The following ZNF417 variants were observed in gnomAD, a reference collection of about 807,000 sequenced individuals.
ZNF417 encodes zinc finger protein 417.
ZNF417 carries 5 observed loss-of-function variants against 7.4 expected under a neutral mutation model. The observed-to-expected ratio is 0.68, with a 90% CI of 0.35 to 1.43. ZNF417 has a LOEUF of 1.43. Among genes scored for constraint, ZNF417 ranks in the 40% most tolerant of loss-of-function variants. The pLI is 0.04. For synonymous variants in ZNF417, 147 were observed against 239.1 expected (o/e 0.61, Z 3.55); for missense variants, 437 against 697.3 (o/e 0.63, Z 4.20).
rs116338997 is a variant in ZNF417, at chr19:57,908,853, A to G, written c.1425T>C (p.Asn475=). ...ACEVCGKLFG[N]KNCVTIHQRI... Reference sequence around the variant, plus strand: ...TCTGATGTATAGTCACGCAGTTCTTATTACCAAATAATTTCCCACATACCT... The same window carrying G: ...TCTGATGTATAGTCACGCAGTTCTTGTTACCAAATAATTTCCCACATACCT... Residue 475 remains asparagine, a synonymous_variant, in exon 3 of 3, where the codon AAT becomes AAC. Coordinates refer to ENST00000312026, the MANE Select transcript of ZNF417 (RefSeq NM_152475.3). 2.5e-3 allele frequency: 4,087 copies of G among 1,613,584 alleles called. 94 individuals carry two copies. In the African/African-American group the frequency reaches 0.047, roughly 18 times the overall value.
chr19:57,908,186 G>T lies in ZNF417; in HGVS notation c.*364C>A. 3.2e-6 allele frequency: 1 copy of T among 308,202 alleles called. No individual in the cohort carries two copies. Among genetic ancestry groups the T allele is most frequent in the East Asian group, 7.4e-5 (1 of 13,574 alleles). The allele number at this position is 308,202 out of a possible 1,614,324, so 19.1% of individuals were successfully genotyped here. The stretch of plus-strand genomic sequence containing the variant: ...AGCAATCTATACGTATTGTCACTTG[G>T]GGACACTTATGATTCCACATGAAGT... On this transcript the variant is annotated 3_prime_UTR_variant, in exon 3 of 3. Coordinates refer to ENST00000312026, the MANE Select transcript of ZNF417 (RefSeq NM_152475.3).
At chr19:57,914,614 G>A (rs2071930141) in intron 1 of ZNF417, among the ~76,000 whole-genome samples, 1 of 151,786 alleles carries the variant, frequency 6.6e-6, no homozygotes, top group South Asian at 2.1e-4. Flanking sequence ...CTGGATTATG[G>A]CAGGAGCCTT....
chr19:57,910,935 C>T lies in ZNF417; in HGVS notation c.164-821G>A, dbSNP rs573724053. Among the ~76,000 whole-genome samples the T allele has an allele frequency of 6.6e-5, 10 of 152,262 alleles. No individual in the cohort carries two copies. The South Asian group carries it at 2.1e-3, about 32-fold the overall frequency. ...TGGTGCAGGCCTGTAATCCCAGCTA[C>T]TTGGGCGGCTGAGGCAGGAAAATCA... On this transcript the variant is annotated intron_variant, in intron 2 of 2. Transcript: ENST00000312026.
In ZNF417 at chr19:57,905,801, T is replaced by A. The variant is rs964167075; in HGVS notation, c.*2749A>T. ...ATTTCAAACAGGAAAGATGTATGAA[T>A]CTTTTGTACAAAAAAATTTCAACAT... On this transcript the variant is annotated 3_prime_UTR_variant, in exon 3 of 3. Coordinates refer to ENST00000312026, the MANE Select transcript of ZNF417 (RefSeq NM_152475.3). 1.3e-5 allele frequency among the ~76,000 whole-genome samples: 2 copies of A among 152,168 alleles called. No homozygotes were observed. Among genetic ancestry groups the A allele is most frequent in the Non-Finnish European group, 2.9e-5 (2 of 68,024 alleles).
In ZNF417 at chr19:57,906,938, A is replaced by G. The variant is rs1471872241; in HGVS notation, c.*1612T>C. 2 of 128,434 alleles carry G rather than the reference A, an allele frequency of 1.6e-5. No homozygotes were observed. The highest frequency in any genetic ancestry group is 3.1e-5 in the African/African-American group (1 of 32,712). 8.0% of individuals were successfully genotyped at this position (128,434 alleles called of 1,614,324 possible). ...GTGCAATCTCGGCTCACTGCAACCT[A>G]TGCCTCCCAGGTTTAACGAATTCTC... On this transcript the variant is annotated 3_prime_UTR_variant, in exon 3 of 3. Coordinates refer to ENST00000312026, the MANE Select transcript of ZNF417 (RefSeq NM_152475.3).
At position 57,915,416 on chromosome 19, in the gene ZNF417, C is replaced by A. The variant is rs1600150653; in HGVS notation, c.33+963G>T. ...CACTTTGTTCCAGACAGGTTCCATCCTCCCGGCTCCGTCCATCTCCAGGCC... is the reference window on the plus strand; with the variant it reads ...CACTTTGTTCCAGACAGGTTCCATCATCCCGGCTCCGTCCATCTCCAGGCC... On this transcript the variant is annotated intron_variant, in intron 1 of 2. Transcript: ENST00000312026. 4 of 389,190 alleles carry A rather than the reference C, an allele frequency of 1.0e-5. No individual in the cohort carries two copies. In the East Asian group the frequency reaches 2.1e-4, roughly 20 times the overall value. 24.1% of individuals were successfully genotyped at this position (389,190 alleles called of 1,614,324 possible). A position where few individuals can be genotyped will look rare whatever the true frequency, so the allele number is the denominator to read the frequency against.
At chr19:57,910,348 C>A (rs1213997277) in intron 2 of ZNF417, among the ~76,000 whole-genome samples, 1 of 151,654 alleles carries the variant, frequency 6.6e-6, no homozygotes, top group Admixed American at 6.6e-5. Flanking sequence ...AAGTTCGAGA[C>A]CAGCGTGACC....
Position 57,907,882 on chromosome 19 carries a change from C to T in ZNF417, c.*668G>A, listed in dbSNP as rs2071849750. 1 of 152,794 alleles carries T rather than the reference C, an allele frequency of 6.5e-6. No individual in the cohort carries two copies. Among genetic ancestry groups the T allele is most frequent in the Non-Finnish European group, 1.5e-5 (1 of 68,528 alleles). The allele number at this position is 152,794 out of a possible 1,614,324, so 9.5% of individuals were successfully genotyped here. A position where few individuals can be genotyped will look rare whatever the true frequency, so the allele number is the denominator to read the frequency against. On this transcript the variant is annotated 3_prime_UTR_variant, in exon 3 of 3. Coordinates refer to ENST00000312026, the MANE Select transcript of ZNF417 (RefSeq NM_152475.3). ...GTTAATGTGGATGAATGACGTTACC[C>T]ATGGAGAATGAAGTAAGTAGCTAGA...
chr19:57,909,005 C>T lies in ZNF417; in HGVS notation c.1273G>A (p.Glu425Lys). 6.2e-7 allele frequency: 1 copy of T among 1,613,922 alleles called. No homozygotes were observed. Among genetic ancestry groups the T allele is most frequent in the Non-Finnish European group, 8.5e-7 (1 of 1,179,936 alleles). Residue 425 changes from glutamate (E) to lysine (K), a missense_variant, in exon 3 of 3, where the codon GAA becomes AAA. By Grantham distance (56) the Glu-to-Lys change is moderately conservative. This residue lies in a region of ZNF417 where 233 missense variants were observed against 235.5 expected (regional missense o/e 0.99). Transcript: ENST00000312026. The stretch of plus-strand genomic sequence containing the variant: ...TCCCCAGTGTGAAGTCTCTGGTGTT[C>T]AGTGAGGTGGGATCTGTACCTAAAT... ...KSFRYRSHLT[E>K]HQRLHTGERP...
rs534692153 is a variant in ZNF417, at chr19:57,906,021, A to C, written c.*2529T>G. ...TGCTCTTTTGCCCAGGCTAGAGTGC[A>C]GTGGTACCATCTCAGCTGATTGCAA... On this transcript the variant is annotated 3_prime_UTR_variant, in exon 3 of 3. Coordinates refer to ENST00000312026, the MANE Select transcript of ZNF417 (RefSeq NM_152475.3). Among the ~76,000 whole-genome samples the C allele has an allele frequency of 2.0e-4, 30 of 152,276 alleles. No individual in the cohort carries two copies. In the East Asian group the frequency reaches 5.8e-3, roughly 29 times the overall value.
intron 1 of ZNF417, among the ~76,000 whole-genome samples, chr19:57,916,111 T>C (rs2071945086): frequency 6.6e-6 from 1 of 152,402 alleles, no homozygotes; most frequent in Non-Finnish European, 1.5e-5. Flanking sequence ...CAGAACAGCC[T>C]GACGGCTCTG....
rs1406748871 is a variant in ZNF417, at chr19:57,908,835, T to C, written c.1443A>G (p.Ile481Met). ...KLFGNKNCVT[I>M]HQRIHTGERP... ...TTTCTCCAGTGTGAATCCTCTGATG[T>C]ATAGTCACGCAGTTCTTATTACCAA... is the stretch of plus-strand genomic sequence containing the variant. The change falls in exon 3 of 3, where the codon ATA becomes ATG. Residue 481 changes from isoleucine (I) to methionine (M), a missense_variant. Ile to Met is a conservative substitution (Grantham distance 10). Around this residue, in one of 5 missense-constraint regions of ZNF417, gnomAD observed 233 missense variants for 235.5 expected, o/e 0.99. Transcript: ENST00000312026. 4 of 1,613,750 alleles carry C rather than the reference T, an allele frequency of 2.5e-6. No individual in the cohort carries two copies. The African/African-American group carries it at 5.3e-5, about 22-fold the overall frequency.
chr19:57,906,073 A>C lies in ZNF417; in HGVS notation c.*2477T>G, dbSNP rs1162471696. On this transcript the variant is annotated 3_prime_UTR_variant, in exon 3 of 3. Coordinates refer to ENST00000312026, the MANE Select transcript of ZNF417 (RefSeq NM_152475.3). Reference sequence around the variant, plus strand: ...CTCCATTTCCGAGGAAGGCTCCTTAATTTCCCAATTATAAAGGTTTTGTGG... The same window carrying C: ...CTCCATTTCCGAGGAAGGCTCCTTACTTTCCCAATTATAAAGGTTTTGTGG... Among the ~76,000 whole-genome samples, 2 of 152,188 alleles carry C rather than the reference A, an allele frequency of 1.3e-5. No homozygotes were observed. Among genetic ancestry groups the C allele is most frequent in the Non-Finnish European group, 2.9e-5 (2 of 68,038 alleles).
At position 57,909,237 on chromosome 19, in the gene ZNF417, AGT is replaced by A. The variant is rs1323697680; in HGVS notation, c.1039_1040del (p.Thr347TrpfsTer22). On this transcript the variant is annotated frameshift_variant, in exon 3 of 3. Transcript: ENST00000312026. LOFTEE classifies it low-confidence loss of function (END_TRUNC). ...GNLIQHQQGH[T>X]GERAYHCGEC... is the part of the protein sequence containing the mutation. ...CCCCACAGTGATAAGCTCTCTCTCC[AGT>A]GTGACCTTGCTGATGTTGAATGAGG... 2 of 1,614,146 alleles carry A rather than the reference AGT, an allele frequency of 1.2e-6. No individual in the cohort carries two copies. Among genetic ancestry groups the A allele is most frequent in the Non-Finnish European group, 8.5e-7 (1 of 1,180,014 alleles).
intron 2 of ZNF417, among the ~76,000 whole-genome samples, chr19:57,911,850 C>T (rs1489611776): frequency 1.3e-5 from 2 of 152,144 alleles, no homozygotes; most frequent in Non-Finnish European, 2.9e-5. Context: ...CTATTAGACT[C>T]CTGACTCTGA....
intron 1 of ZNF417, among the ~76,000 whole-genome samples, chr19:57,913,220 G>C (rs931852906): frequency 5.9e-5 from 9 of 152,042 alleles, no homozygotes; most frequent in African/African-American, 1.9e-4. Flanking sequence ...ACCAAAATGT[G>C]GATAAGCATC....
intron 2 of ZNF417, among the ~76,000 whole-genome samples, chr19:57,911,346 G>A (rs1334136086): frequency 6.6e-6 from 1 of 152,166 alleles, no homozygotes; most frequent in Non-Finnish European, 1.5e-5. Context: ...AAAACACTTG[G>A]CAAATATAAA....
At position 57,909,157 on chromosome 19, in the gene ZNF417, T is replaced by C. The variant is rs2071868511; in HGVS notation, c.1121A>G (p.His374Arg). 1 of 1,614,084 alleles carries C rather than the reference T, an allele frequency of 6.2e-7. No individual in the cohort carries two copies. Among genetic ancestry groups the C allele is most frequent in the Non-Finnish European group, 8.5e-7 (1 of 1,180,030 alleles). Residue 374 changes from histidine to arginine, a missense_variant, in exon 3 of 3, where the codon CAC becomes CGC. Coordinates refer to ENST00000312026, the MANE Select transcript of ZNF417 (RefSeq NM_152475.3). ...ACACTTGTAAGGCCTTTCTCCAGTG[T>C]GAACACGCTGATGGTTAATAAAGCA... ...KFCFINHQRVHTGERPYKCGE... is the reference protein window; with the variant it reads ...KFCFINHQRVRTGERPYKCGE...
chr19:57,913,849 C>A (rs2071920775), intron 1 of ZNF417, among the ~76,000 whole-genome samples: 1 of 152,074 alleles, frequency 6.6e-6, no homozygotes, highest in South Asian at 2.1e-4. Flanking sequence ...CCTTCCTGGC[C>A]CCTGAAAAGA....
Sources: gnomAD v4.1 joint callset for allele counts (sites outside exome capture counted in the v4.1 genomes callset) on GRCh38, gnomAD v4.1.1 for gene constraint, gnomAD v4.1.1 regional missense constraint, MANE v1.5 for transcripts, NCBI Gene and HGNC (gene_info 2026-07-23, HGNC 2026-07-21) for gene names.